The following MGLL variants were observed in gnomAD, a reference collection of about 807,000 sequenced individuals.
The protein encoded by MGLL is lysophospholipase homolog.
Under a neutral mutation model 29.1 loss-of-function variants are expected in MGLL, and 7 were observed. The observed-to-expected ratio is 0.24, with a 90% confidence interval of 0.14 to 0.45. The LOEUF is 0.45. MGLL is among the 20% of genes least tolerant of loss of function. MGLL has a pLI of 0.99. For synonymous variants in MGLL, 148 were observed against 168.3 expected (o/e 0.88, Z 0.93); for missense variants, 356 against 413.6 (o/e 0.86, Z 1.21).
chr3:127,778,395 A>T (rs2077070392), intron 3 of MGLL, among the ~76,000 whole-genome samples: 1 of 152,336 alleles, frequency 6.6e-6, no homozygotes, highest in East Asian at 1.9e-4. Context: ...CCCTGGGGTC[A>T]CGCCCACCTG....
In MGLL at chr3:127,691,779, T is replaced by G; in HGVS notation, c.*419A>C. On this transcript the variant is annotated 3_prime_UTR_variant, in exon 8 of 8. Transcript: ENST00000265052. The stretch of plus-strand genomic sequence containing the variant: ...CAGAGGAAGGCCACCAAGCGGAGGC[T>G]GGTCAGAGAGGGCGCTGGGGCGTGA... The G allele has an allele frequency of 4.3e-6, 1 of 234,008 alleles. No individual in the cohort carries two copies. 14.5% of individuals were successfully genotyped at this position (234,008 alleles called of 1,614,324 possible). A position where few individuals can be genotyped will look rare whatever the true frequency, so the allele number is the denominator to read the frequency against.
At chr3:127,738,302 TTA>T (rs1491468796) in intron 3 of MGLL, among the ~76,000 whole-genome samples, 3 of 147,862 alleles carry the variant, frequency 2.0e-5, no homozygotes, top group Admixed American at 2.0e-4. Flanking sequence ...TTCTGTCTCT[TTA>T]AAAAAAAAAA....
intron 2 of MGLL, among the ~76,000 whole-genome samples, chr3:127,793,980 T>C (rs750366409): frequency 2.6e-5 from 4 of 152,244 alleles, no homozygotes; most frequent in Non-Finnish European, 5.9e-5. Context: ...GATGTTAGAC[T>C]ATCTTCTATG....
intron 3 of MGLL, among the ~76,000 whole-genome samples, chr3:127,748,398 G>GAGAGAGAGAA (rs2076490385): frequency 6.7e-6 from 1 of 149,872 alleles, no homozygotes; most frequent in Admixed American, 6.6e-5. Flanking sequence ...GGGAGGGAGA[G>GAGAGAGAGAA]AGAGAGAGAA....
intron 3 of MGLL, among the ~76,000 whole-genome samples, chr3:127,754,259 T>C (rs2076615835): frequency 6.6e-6 from 1 of 152,038 alleles, no homozygotes; most frequent in Non-Finnish European, 1.5e-5. Context: ...CCAGTTCCCC[T>C]GAAAAGAAGG....
At position 127,801,776 on chromosome 3, in the gene MGLL, A is replaced by G. The variant is rs1170996848; in HGVS notation, c.156-19881T>C. On this transcript the variant is annotated intron_variant, in intron 2 of 7. Coordinates refer to ENST00000265052, the MANE Select transcript of MGLL (RefSeq NM_007283.7). ...GTTATGTATTTTAAAATATGTATTT[A>G]TAATAATATAATAAATATATCATAT... 2.7e-5 allele frequency among the ~76,000 whole-genome samples: 4 copies of G among 148,212 alleles called. No homozygotes were observed. The Admixed American group carries it at 2.7e-4, about 10-fold the overall frequency.
At chr3:127,724,209 C>T (rs976938376) in intron 3 of MGLL, among the ~76,000 whole-genome samples, 2 of 152,148 alleles carry the variant, frequency 1.3e-5, no homozygotes, top group Non-Finnish European at 2.9e-5. Context: ...CTCCCCTTTC[C>T]TTCTTACTCT....
At chr3:127,790,392 A>C (rs916165468) in intron 2 of MGLL, among the ~76,000 whole-genome samples, 13 of 152,236 alleles carry the variant, frequency 8.5e-5, no homozygotes, top group African/African-American at 3.1e-4. Context: ...GGAGCTGTTA[A>C]GAATTTAGCT....
In MGLL at chr3:127,692,333, G is replaced by A; in HGVS notation, c.817-10C>T. The stretch of plus-strand genomic sequence containing the variant: ...AGGCACCTTCATAAATCTGCAATGA[G>A]GAGAGACACGGAATCAGAGCTGCAC... On this transcript the variant is annotated splice_polypyrimidine_tract_variant and intron_variant, in intron 7 of 7. Coordinates refer to ENST00000265052, the MANE Select transcript of MGLL (RefSeq NM_007283.7). The A allele has an allele frequency of 6.2e-7, 1 of 1,613,920 alleles. No individual in the cohort carries two copies. Among genetic ancestry groups the A allele is most frequent in the Non-Finnish European group, 8.5e-7 (1 of 1,179,898 alleles).
intron 3 of MGLL, among the ~76,000 whole-genome samples, chr3:127,762,079 A>AAAATG (rs1251510557): frequency 7.9e-5 from 12 of 152,154 alleles, no homozygotes; most frequent in East Asian, 1.9e-4. Context: ...CCTGCCTTGG[A>AAAATG]AAATGAAATG....
chr3:127,767,929 T>C (rs1422944422), intron 3 of MGLL, among the ~76,000 whole-genome samples: 8 of 152,226 alleles, frequency 5.3e-5, no homozygotes, highest in Non-Finnish European at 1.0e-4. Flanking sequence ...TAACAACTTA[T>C]GAGGTAGAAA....
rs1040167404 is a variant in MGLL at position 127,722,566 on chromosome 3, A to C, written c.263T>G (p.Val88Gly). The C allele has an allele frequency of 1.9e-6, 3 of 1,614,226 alleles. No homozygotes were observed. The highest frequency in any genetic ancestry group is 2.5e-6 in the Non-Finnish European group (3 of 1,180,042). ...CTCCCCTTCGCTCTGTCCGTGGCCA[A>C]CTGGAAAGGAACGGGAGATGAGAGA... ...LDLLVFAHDH[V>G]GHGQSEGERM... Residue 88 changes from valine to glycine, a missense_variant and splice_region_variant, in exon 4 of 8, where the codon GTT (valine) becomes GGT (glycine). Coordinates refer to ENST00000265052, the MANE Select transcript of MGLL (RefSeq NM_007283.7).
chr3:127,749,192 G>A (rs115772466), intron 3 of MGLL, among the ~76,000 whole-genome samples: 170 of 152,328 alleles, frequency 1.1e-3, no homozygotes, highest in African/African-American at 3.6e-3. Flanking sequence ...CTGGCGTGCC[G>A]CAGACTCTCC....
chr3:127,777,135 A>G (rs2077050273), intron 3 of MGLL, among the ~76,000 whole-genome samples: 1 of 152,216 alleles, frequency 6.6e-6, no homozygotes, highest in African/African-American at 2.4e-5. Context: ...ACCCAGAACA[A>G]ACACCCAATT....
chr3:127,711,451 T>C (rs1175112623), intron 5 of MGLL: 3 of 152,322 alleles, frequency 2.0e-5, no homozygotes, highest in Non-Finnish European at 2.9e-5. Context: ...TCTCTTGTTT[T>C]CCCAGGAAAA....
At chr3:127,803,743 G>A (rs957621277) in intron 2 of MGLL, among the ~76,000 whole-genome samples, 1 of 152,200 alleles carries the variant, frequency 6.6e-6, no homozygotes, top group Non-Finnish European at 1.5e-5. Flanking sequence ...AGTTAGGGAA[G>A]TTTGATGTCA....
rs1487690293 is a variant in MGLL, at chr3:127,722,465, G to T, written c.364C>A (p.Pro122Thr). 1 of 1,614,098 alleles carries T rather than the reference G, an allele frequency of 6.2e-7. No homozygotes were observed. Among genetic ancestry groups the T allele is most frequent in the East Asian group, 2.2e-5 (1 of 44,898 alleles). ...CCCAGAAGGAAGACAGGAAGCCCAG[G>T]GTAGTCTTTCTGCATGGAATCCACA... ...QHVDSMQKDY[P>T]GLPVFLLGHS... The change falls in exon 4 of 8, where the codon CCT becomes ACT. Residue 122 changes from proline to threonine, a missense_variant. Pro to Thr is a conservative substitution (Grantham distance 38). Coordinates refer to ENST00000265052, the MANE Select transcript of MGLL (RefSeq NM_007283.7).
intron 7 of MGLL, among the ~76,000 whole-genome samples, chr3:127,694,434 T>TAC (rs945430354): frequency 2.0e-5 from 3 of 151,810 alleles, no homozygotes; most frequent in African/African-American, 7.3e-5. Flanking sequence ...TATATATATA[T>TAC]AGTCTTGCTG....
intron 3 of MGLL, among the ~76,000 whole-genome samples, chr3:127,724,949 CT>C (rs1194597563): frequency 6.6e-6 from 1 of 152,158 alleles, no homozygotes; most frequent in Non-Finnish European, 1.5e-5. Flanking sequence ...ATTCCGACCA[CT>C]CCTGGCCCAG....
Sources: gnomAD v4.1 joint callset for allele counts (sites outside exome capture counted in the v4.1 genomes callset) on GRCh38, gnomAD v4.1.1 for gene constraint, MANE v1.5 for transcripts, NCBI Gene and HGNC (gene_info 2026-07-23, HGNC 2026-07-21) for gene names.